The following CECR2 variants were observed in gnomAD, a reference collection of about 807,000 sequenced individuals.
The protein encoded by CECR2 is CECR2 histone acetyl-lysine reader, also known as chromatin remodeling regulator CECR2.
CECR2 carries 30 observed loss-of-function variants against 154.5 expected under a neutral mutation model. The observed-to-expected ratio is 0.19, with a 90% CI of 0.15 to 0.26. The LOEUF (loss-of-function observed/expected upper bound fraction) is 0.26. Ranked by LOEUF, CECR2 falls within the 10% of genes least tolerant of loss-of-function variation. The pLI, the probability that CECR2 is intolerant of heterozygous loss-of-function variation, is 1.00. For synonymous variants in CECR2, 725 were observed against 683.7 expected, an observed-to-expected ratio of 1.06 and a Z score of -0.94; for missense variants, 1,743 against 1,829.3, an observed-to-expected ratio of 0.95 and a Z score of 0.86.
At chr22:17,362,539 T>A (rs925480381) in intron 1 of CECR2, among the ~76,000 whole-genome samples, 1 of 129,980 alleles carries the variant, frequency 7.7e-6, no homozygotes, top group Non-Finnish European at 1.8e-5. Context: ...GAAAAAATAA[T>A]TTTTTAGTTC....
In CECR2 at chr22:17,545,842, C is replaced by CAA. The variant is rs112121132; in HGVS notation, c.2861-2290_2861-2289dup. Among the ~76,000 whole-genome samples, 892 of 89,550 alleles carry CAA rather than the reference C, an allele frequency of 1.0e-2. 18 individuals are homozygous for CAA. The highest frequency in any genetic ancestry group is 0.027 in the African/African-American group (708 of 26,554). 58.7% of individuals were successfully genotyped at this position (89,550 alleles called of 152,430 possible). On this transcript the variant is annotated intron_variant, in intron 16 of 18. Transcript: ENST00000262608. ...TGGGCAACAGAGCAAGACTCCGTCT[C>CAA]AAAAAAAAAAAAAAAAAGATAATAG...
intron 2 of CECR2, among the ~76,000 whole-genome samples, chr22:17,496,541 T>C (rs943911713): frequency 2.0e-5 from 3 of 151,960 alleles, no homozygotes; most frequent in Non-Finnish European, 1.5e-5. Context: ...AAAAAAAATT[T>C]AGAATGCAGT....
intron 2 of CECR2, among the ~76,000 whole-genome samples, chr22:17,491,046 G>C (rs1454468048): frequency 1.3e-5 from 2 of 148,594 alleles, no homozygotes; most frequent in African/African-American, 2.4e-5. Context: ...GTTGTAGCAT[G>C]AATCAGTACT....
chr22:17,492,979 ATTTTATTTTT>A (rs1466204532), intron 2 of CECR2, among the ~76,000 whole-genome samples: 1 of 151,668 alleles, frequency 6.6e-6, no homozygotes, highest in African/African-American at 2.4e-5. Flanking sequence ...ATTTTATTTT[ATTTTATTTTT>A]GAGACAGAGT....
chr22:17,466,228 C>T (rs762690508), intron 1 of CECR2, among the ~76,000 whole-genome samples: 1 of 152,066 alleles, frequency 6.6e-6, no homozygotes, highest in East Asian at 1.9e-4. Context: ...CCTGGCCTTC[C>T]GCTCCTTTTA....
intron 1 of CECR2, among the ~76,000 whole-genome samples, chr22:17,468,765 G>A (rs931768626): frequency 1.3e-5 from 2 of 152,092 alleles, no homozygotes; most frequent in Non-Finnish European, 2.9e-5. Context: ...ATATGTAACC[G>A]TCTTAGTCCA....
intron 8 of CECR2, among the ~76,000 whole-genome samples, chr22:17,514,892 G>A (rs1247849356): frequency 6.6e-6 from 1 of 152,032 alleles, no homozygotes; most frequent in African/African-American, 2.4e-5. Context: ...AATTAGCTGG[G>A]CGTGGTGGTG....
At chr22:17,526,455 A>G (rs111589003) in intron 9 of CECR2, among the ~76,000 whole-genome samples, 2,879 of 152,330 alleles carry the variant, frequency 0.019, 39 homozygotes, top group Non-Finnish European at 0.03. Context: ...CCATAAGCAG[A>G]AGAATGAAAC....
In CECR2 at chr22:17,534,010, G is replaced by A. The variant is rs999825818; in HGVS notation, c.1109-3093G>A. On this transcript the variant is annotated intron_variant, in intron 9 of 18. Transcript: ENST00000262608. Reference sequence around the variant, plus strand: ...ATTACAGATGTGAGCCACCATGCCCGGCCGAGCAAAGGGCATGAAAACTTG... The same window carrying A: ...ATTACAGATGTGAGCCACCATGCCCAGCCGAGCAAAGGGCATGAAAACTTG... Among the ~76,000 whole-genome samples the A allele has an allele frequency of 1.1e-4, 17 of 151,920 alleles. No individual in the cohort carries two copies. In the East Asian group the frequency reaches 1.2e-3, roughly 10 times the overall value.
At chr22:17,397,240 G>A (rs2053825235) in intron 1 of CECR2, among the ~76,000 whole-genome samples, 1 of 151,898 alleles carries the variant, frequency 6.6e-6, no homozygotes, top group African/African-American at 2.4e-5. Flanking sequence ...AGGTTCAAGC[G>A]ATGATTCTCC....
At position 17,548,640 on chromosome 22, in the gene CECR2, C is replaced by G. The variant is rs200495617; in HGVS notation, c.3353C>G (p.Pro1118Arg). The G allele has an allele frequency of 1.9e-6, 3 of 1,612,926 alleles. No individual in the cohort carries two copies. The highest frequency in any genetic ancestry group is 1.7e-5 in the Admixed American group (1 of 59,790). ...GGAGGCACTGTGAGCCAGTTTCCCC[C>G]GCTGTATATGCCTGGCCTAGAGTAC... ...LTGGTVSQFP[P>R]LYMPGLEYPN... The change falls in exon 17 of 19, where the codon CCG (proline) becomes CGG (arginine). Residue 1118 changes from proline to arginine, a missense_variant. By Grantham distance (103) the Pro-to-Arg change is moderately radical. This residue lies in a region of CECR2 where 1,250 missense variants were observed against 1,192.1 expected (regional missense o/e 1.05). Coordinates refer to ENST00000262608, the MANE Select transcript of CECR2 (RefSeq NM_001290047.2).
At chr22:17,537,782 CA>C (rs2056459923) in intron 10 of CECR2, among the ~76,000 whole-genome samples, 1 of 152,140 alleles carries the variant, frequency 6.6e-6, no homozygotes, top group South Asian at 2.1e-4. Context: ...CACCTGAGGT[CA>C]GGAGTTCGAG....
chr22:17,462,802 A>T (rs1242644807), intron 1 of CECR2, among the ~76,000 whole-genome samples: 2 of 152,100 alleles, frequency 1.3e-5, no homozygotes, highest in Non-Finnish European at 2.9e-5. Context: ...AATCCCATCT[A>T]CTCAGAAGGC....
chr22:17,503,666 A>G, intron 6 of CECR2, among the ~76,000 whole-genome samples: 1 of 152,206 alleles, frequency 6.6e-6, no homozygotes. Context: ...CAGTAGTTAT[A>G]TTTGTATTGC....
chr22:17,508,137 C>A (rs1457025247), intron 7 of CECR2, among the ~76,000 whole-genome samples: 1 of 152,170 alleles, frequency 6.6e-6, no homozygotes, highest in Non-Finnish European at 1.5e-5. Flanking sequence ...ACCATTTATA[C>A]CACTGTGGTC....
At chr22:17,383,562 G>A (rs1284041238) in intron 1 of CECR2, among the ~76,000 whole-genome samples, 1 of 150,088 alleles carries the variant, frequency 6.7e-6, no homozygotes, top group Admixed American at 6.7e-5. Context: ...TTAATCTAGT[G>A]TTCAGACCAG....
intron 1 of CECR2, among the ~76,000 whole-genome samples, chr22:17,378,240 C>G (rs1033009621): frequency 1.0e-4 from 15 of 150,692 alleles, no homozygotes; most frequent in African/African-American, 3.4e-4. Flanking sequence ...GCCTTGGCCT[C>G]CCAAAGTGCT....
intron 6 of CECR2, among the ~76,000 whole-genome samples, chr22:17,503,417 A>G (rs1424880963): frequency 6.6e-6 from 1 of 152,168 alleles, no homozygotes; most frequent in Admixed American, 6.6e-5. Context: ...CTTCTCAAAG[A>G]GAGGTCTTTT....
chr22:17,375,949 A>T (rs531738634), intron 1 of CECR2, among the ~76,000 whole-genome samples: 1 of 129,924 alleles, frequency 7.7e-6, no homozygotes, highest in East Asian at 2.2e-4. Context: ...AGCGAGAGGG[A>T]GACTCTTATC....
Sources: gnomAD v4.1 joint callset for allele counts (sites outside exome capture counted in the v4.1 genomes callset) on GRCh38, gnomAD v4.1.1 for gene constraint, gnomAD v4.1.1 regional missense constraint, MANE v1.5 for transcripts, NCBI Gene and HGNC (gene_info 2026-07-23, HGNC 2026-07-21) for gene names.